The following SEMA3D variants were observed in gnomAD, a reference collection of about 807,000 sequenced individuals.
The protein encoded by SEMA3D is semaphorin 3D.
SEMA3D carries 84 observed loss-of-function variants against 100.1 expected under a neutral mutation model. The ratio of observed to expected loss-of-function variants is 0.84; its 90% CI spans 0.70 to 1.01. SEMA3D has a LOEUF of 1.01. Ranked by LOEUF, SEMA3D falls within the 50% of genes least tolerant of loss-of-function variation. The pLI, the probability that SEMA3D is intolerant of heterozygous loss-of-function variation, is 0.00. For missense variants in SEMA3D, 875 were observed against 934.1 expected (o/e 0.94, Z 0.82); for synonymous variants, 312 against 320.7 (o/e 0.97, Z 0.29).
At position 85,165,403 on chromosome 7, in the gene SEMA3D, C is replaced by T. The variant is rs554475869; in HGVS notation, c.-172-11664G>A. On this transcript the variant is annotated intron_variant, in intron 1 of 18. Coordinates refer to ENST00000284136, the MANE Select transcript of SEMA3D (RefSeq NM_001384900.1). ...AATGTTTCAATAGACACATAAGATA[C>T]GACGTGAGAAAGACGTGATGTAATA... Among the ~76,000 whole-genome samples, 9 of 151,996 alleles carry T rather than the reference C, an allele frequency of 5.9e-5. No homozygotes were observed. In the South Asian group the frequency reaches 1.5e-3, roughly 24 times the overall value.
Position 85,121,894 on chromosome 7 carries a change from T to C in SEMA3D, c.-3A>G, listed in dbSNP as rs367638672. ...CTTTCATCTTTATTAGCATTCATGA[T>C]GAAAACAATGTTCTCTTTCAAATGG... On this transcript the variant is annotated 5_prime_UTR_variant, in exon 3 of 19. Coordinates refer to ENST00000284136, the MANE Select transcript of SEMA3D (RefSeq NM_001384900.1). 10 of 1,555,888 alleles carry C rather than the reference T, an allele frequency of 6.4e-6. No homozygotes were observed. In the African/African-American group the frequency reaches 1.2e-4, roughly 19 times the overall value.
the SEMA3D span, among the ~76,000 whole-genome samples, chr7:85,233,018 T>C: frequency 1.3e-5 from 2 of 152,180 alleles, no homozygotes; most frequent in East Asian, 1.9e-4. Context: ...ATCCTCTTCA[T>C]TCCCTGAGAA....
chr7:85,018,747 A>T (rs993446034), intron 14 of SEMA3D, among the ~76,000 whole-genome samples: 1 of 151,762 alleles, frequency 6.6e-6, no homozygotes, highest in African/African-American at 2.4e-5. Flanking sequence ...CTTGTGGATG[A>T]TCATATTCTT....
Position 85,142,966 on chromosome 7 carries a change from GA to G in SEMA3D, c.-41+10641del, listed in dbSNP as rs1321931943. ...TCTTAGTTAGGAAAAGTAATGCCAAGAGCAATTCTACCTTAGACAACTTACT... is the reference window on the plus strand; with the variant it reads ...TCTTAGTTAGGAAAAGTAATGCCAAGGCAATTCTACCTTAGACAACTTACT... On this transcript the variant is annotated intron_variant, in intron 2 of 18. Transcript: ENST00000284136. The G allele has an allele frequency of 4.1e-6, 4 of 984,914 alleles. No homozygotes were observed. The African/African-American group carries it at 7.0e-5, about 17-fold the overall frequency. 61.0% of individuals were successfully genotyped at this position (984,914 alleles called of 1,614,324 possible).
At chr7:85,181,265 G>T (rs1272102282) in intron 1 of SEMA3D, among the ~76,000 whole-genome samples, 1 of 151,240 alleles carries the variant, frequency 6.6e-6, no homozygotes, top group Non-Finnish European at 1.5e-5. Flanking sequence ...TCCAGGACTG[G>T]ATCAGGGTGA....
the SEMA3D span, among the ~76,000 whole-genome samples, chr7:85,239,509 GC>G: frequency 6.6e-6 from 1 of 152,104 alleles, no homozygotes; most frequent in African/African-American, 2.4e-5. Context: ...CCAATCTGTG[GC>G]ACAGTGTCAT....
chr7:85,044,997 A>G (rs1025593682), intron 9 of SEMA3D, among the ~76,000 whole-genome samples: 1 of 152,118 alleles, frequency 6.6e-6, no homozygotes, highest in African/African-American at 2.4e-5. Context: ...ATAAAACATA[A>G]AATTGAAAAA....
intron 6 of SEMA3D, among the ~76,000 whole-genome samples, chr7:85,070,778 T>A (rs1421696717): frequency 6.1e-5 from 9 of 146,994 alleles, no homozygotes; most frequent in Admixed American, 4.0e-4. Context: ...TCAGCACTTG[T>A]GACTTTTTTT....
At chr7:85,181,866 TA>T in intron 1 of SEMA3D, 4 of 331,132 alleles carry the variant, frequency 1.2e-5, no homozygotes, top group Non-Finnish European at 1.7e-5. Flanking sequence ...CCAATATTAA[TA>T]ATGATGGATT....
At chr7:85,219,870 T>A in the SEMA3D span, among the ~76,000 whole-genome samples, 3 of 152,044 alleles carry the variant, frequency 2.0e-5, no homozygotes, top group Non-Finnish European at 4.4e-5. Context: ...GTGTTTTGAG[T>A]TATAGATTAT....
chr7:85,046,948 T>C (rs761225978), intron 9 of SEMA3D, among the ~76,000 whole-genome samples: 19 of 151,942 alleles, frequency 1.3e-4, no homozygotes, highest in Non-Finnish European at 2.5e-4. Context: ...TGTGGGTCTC[T>C]ACACTATTTA....
intron 4 of SEMA3D, among the ~76,000 whole-genome samples, chr7:85,090,902 T>C (rs950667064): frequency 1.3e-5 from 2 of 152,094 alleles, no homozygotes; most frequent in Non-Finnish European, 2.9e-5. Context: ...TAAATTCATT[T>C]AGGTTAGTTA....
intron 2 of SEMA3D, among the ~76,000 whole-genome samples, chr7:85,132,387 T>G (rs1258005899): frequency 1.3e-5 from 2 of 151,880 alleles, no homozygotes; most frequent in Non-Finnish European, 2.9e-5. Flanking sequence ...AAAAAATACT[T>G]TTAATAACAT....
At chr7:85,152,621 T>C (rs2116494615) in intron 2 of SEMA3D, among the ~76,000 whole-genome samples, 1 of 152,190 alleles carries the variant, frequency 6.6e-6, no homozygotes, top group East Asian at 1.9e-4. Flanking sequence ...TAACTAAAAA[T>C]AATAGAGCAT....
At chr7:85,160,910 A>G (rs1383309584) in intron 1 of SEMA3D, among the ~76,000 whole-genome samples, 2 of 152,154 alleles carry the variant, frequency 1.3e-5, no homozygotes, top group Non-Finnish European at 2.9e-5. Context: ...TTTATGAAGA[A>G]TAATTGCAAT....
chr7:85,106,514 A>G (rs1043656773), intron 3 of SEMA3D, among the ~76,000 whole-genome samples: 4 of 152,118 alleles, frequency 2.6e-5, no homozygotes, highest in Non-Finnish European at 5.9e-5. Context: ...TTATTTTATA[A>G]CAATATTGTT....
chr7:85,059,313 G>A (rs80033217), intron 8 of SEMA3D, among the ~76,000 whole-genome samples: 4 of 152,092 alleles, frequency 2.6e-5, no homozygotes, highest in African/African-American at 9.7e-5. Context: ...GTATATATGG[G>A]GGCGTGGGGA....
chr7:85,194,403 A>G, the SEMA3D span, among the ~76,000 whole-genome samples: 8 of 152,166 alleles, frequency 5.3e-5, no homozygotes, highest in Admixed American at 1.3e-4. Flanking sequence ...GACAGTTTTC[A>G]TCATGAATGG....
chr7:85,136,670 C>T (rs1343448386), intron 2 of SEMA3D, among the ~76,000 whole-genome samples: 1 of 151,960 alleles, frequency 6.6e-6, no homozygotes, highest in Non-Finnish European at 1.5e-5. Context: ...TATGCTTTCT[C>T]TTGCTAAAAA....
Sources: gnomAD v4.1 joint callset for allele counts (sites outside exome capture counted in the v4.1 genomes callset) on GRCh38, gnomAD v4.1.1 for gene constraint, MANE v1.5 for transcripts, NCBI Gene and HGNC (gene_info 2026-07-23, HGNC 2026-07-21) for gene names.